Variants in KAZN observed in about 807,000 individuals in gnomAD.
The protein encoded by KAZN is kazrin, periplakin interacting protein.
Under a neutral mutation model 87.4 loss-of-function variants are expected in KAZN, and 40 were observed. The observed-to-expected ratio is 0.46, with a 90% confidence interval of 0.36 to 0.60. KAZN has a LOEUF of 0.60. KAZN is among the 20% of genes least tolerant of loss of function. KAZN has a pLI of 0.00. For synonymous variants in KAZN, 466 were observed against 458.3 expected (o/e 1.02, Z -0.22); for missense variants, 898 against 1,073.9 (o/e 0.84, Z 2.29).
At chr1:14,488,718 C>T (rs143349407) in intron 2 of KAZN, among the ~76,000 whole-genome samples, 303 of 152,294 alleles carry the variant, frequency 2.0e-3, no homozygotes, top group African/African-American at 6.8e-3. Context: ...AGAAAACTTC[C>T]TCCATGGCAT....
At chr1:14,614,787 A>T (rs1678094434) in intron 1 of KAZN, among the ~76,000 whole-genome samples, 1 of 152,260 alleles carries the variant, frequency 6.6e-6, no homozygotes, top group Admixed American at 6.5e-5. Flanking sequence ...GGGTTTTTGT[A>T]TGAAAGATTT....
intron 1 of KAZN, among the ~76,000 whole-genome samples, chr1:14,719,108 T>C (rs1347701883): frequency 6.6e-6 from 1 of 152,158 alleles, no homozygotes. Context: ...ACTTTGCACA[T>C]GTACTCTCTG....
intron 1 of KAZN, among the ~76,000 whole-genome samples, chr1:14,942,564 A>G (rs981930461): frequency 6.6e-6 from 1 of 152,236 alleles, no homozygotes; most frequent in Non-Finnish European, 1.5e-5. Flanking sequence ...TTCTCTAGTC[A>G]GTATCATTTT....
intron 1 of KAZN, among the ~76,000 whole-genome samples, chr1:14,034,282 TAGCTG>T (rs386628679): frequency 6.6e-6 from 1 of 152,258 alleles, no homozygotes; most frequent in African/African-American, 2.4e-5. Context: ...TGTTTCCTTT[TAGCTG>T]TTTTTTTTTT....
Position 14,031,280 on chromosome 1 carries a change from CA to C in KAZN, c.91+137530del, listed in dbSNP as rs577864383. Among the ~76,000 whole-genome samples, 13 of 152,256 alleles carry C rather than the reference CA, an allele frequency of 8.5e-5. No individual in the cohort carries two copies. The East Asian group carries it at 1.3e-3, about 16-fold the overall frequency. On this transcript the variant is annotated intron_variant, in intron 1 of 16. Transcript: ENST00000636203. ...GGACCCACATTAATATAATTATATA[CA>C]AAAAATGATTAGTAGTACAGGCAGG... is the stretch of plus-strand genomic sequence containing the variant.
intron 1 of KAZN, among the ~76,000 whole-genome samples, chr1:14,630,357 C>CAAATTAAGGAA (rs2148658003): frequency 1.3e-5 from 2 of 152,212 alleles, no homozygotes; most frequent in African/African-American, 4.8e-5. Flanking sequence ...AAGCTGGGGC[C>CAAATTAAGGAA]TTTCAGCAAA....
intron 1 of KAZN, among the ~76,000 whole-genome samples, chr1:14,628,899 T>A (rs1219134106): frequency 6.7e-6 from 1 of 148,386 alleles, no homozygotes; most frequent in African/African-American, 2.5e-5. Context: ...CAGGCTGGAG[T>A]GCAGTGGCAC....
At chr1:14,778,266 C>A (rs986395900) in intron 1 of KAZN, among the ~76,000 whole-genome samples, 1 of 152,136 alleles carries the variant, frequency 6.6e-6, no homozygotes, top group Non-Finnish European at 1.5e-5. Flanking sequence ...CATAAACCAG[C>A]CAGAAACATT....
chr1:14,410,972 A>C (rs1225747321), intron 2 of KAZN, among the ~76,000 whole-genome samples: 2 of 152,230 alleles, frequency 1.3e-5, no homozygotes, highest in Non-Finnish European at 2.9e-5. Context: ...TAAGCCGCCA[A>C]GTTTCTGGTG....
chr1:15,060,357 G>GGGCGGGGGT (rs1241628610), intron 6 of KAZN, 55 bp downstream of exon 6: 1 of 1,607,560 alleles, frequency 6.2e-7, no homozygotes, highest in African/African-American at 1.3e-5. Context: ...GAAACTGCAG[G>GGGCGGGGGT]GGCGGGGGTG....
intron 2 of KAZN, among the ~76,000 whole-genome samples, chr1:14,486,878 CTTGGTAGCTCCCTG>C (rs1179712691): frequency 6.6e-6 from 1 of 152,216 alleles, no homozygotes; most frequent in Non-Finnish European, 1.5e-5. Flanking sequence ...GCCTAAATTC[CTTGGTAGCTCCCTG>C]TAAATTACGG....
In KAZN at chr1:14,383,259, G is replaced by A. The variant is rs1324318166; in HGVS notation, c.249+202667G>A. Among the ~76,000 whole-genome samples, 4 of 149,334 alleles carry A rather than the reference G, an allele frequency of 2.7e-5. 1 individual carries two copies. In the East Asian group the frequency reaches 7.9e-4, roughly 29 times the overall value. Reference sequence around the variant, plus strand: ...GGTTGTGAAAATTTTCTCCCATTTTGTAGGTTGCCTGTTCACTCTGATGGT... The same window carrying A: ...GGTTGTGAAAATTTTCTCCCATTTTATAGGTTGCCTGTTCACTCTGATGGT... On this transcript the variant is annotated intron_variant, in intron 2 of 16. Coordinates refer to the KAZN transcript ENST00000636203.
At chr1:14,373,492 G>C (rs1055598445) in intron 2 of KAZN, among the ~76,000 whole-genome samples, 1 of 152,004 alleles carries the variant, frequency 6.6e-6, no homozygotes, top group Non-Finnish European at 1.5e-5. Context: ...CCTCACTTTG[G>C]GAAGGGCAAA....
intron 1 of KAZN, among the ~76,000 whole-genome samples, chr1:14,890,795 C>T (rs900463045): frequency 6.8e-6 from 1 of 147,516 alleles, no homozygotes; most frequent in African/African-American, 2.5e-5. Flanking sequence ...TCCCAAAGTG[C>T]TGGGATTACA....
chr1:15,060,283 G>A lies in KAZN; in HGVS notation c.1028G>A (p.Arg343Gln), dbSNP rs147538261. The change falls in exon 6 of 15, where the codon CGG becomes CAG. Residue 343 changes from arginine to glutamine, a missense_variant. Coordinates refer to ENST00000376030, the MANE Select transcript of KAZN (RefSeq NM_201628.3). ...TPSDINSPRH[R>Q]THSLCNGDSP... ...AGCGACATCAACTCCCCTCGACACCGGACACACTCCCTCTGCAACGTAAGG... is the reference window on the plus strand; with the variant it reads ...AGCGACATCAACTCCCCTCGACACCAGACACACTCCCTCTGCAACGTAAGG... 15 of 1,614,068 alleles carry A rather than the reference G, an allele frequency of 9.3e-6. No individual in the cohort carries two copies. The highest frequency in any genetic ancestry group is 2.7e-5 in the African/African-American group (2 of 74,952).
intron 2 of KAZN, among the ~76,000 whole-genome samples, chr1:14,209,166 C>G (rs1211631979): frequency 6.6e-6 from 1 of 152,208 alleles, no homozygotes; most frequent in Non-Finnish European, 1.5e-5. Context: ...CAGATCCCTC[C>G]TTCGTGCTGA....
At chr1:14,754,997 T>A (rs1243615959) in intron 1 of KAZN, among the ~76,000 whole-genome samples, 1 of 150,620 alleles carries the variant, frequency 6.6e-6, no homozygotes, top group Non-Finnish European at 1.5e-5. Flanking sequence ...ATCCCAGCAC[T>A]GTGAGCGGCC....
intron 4 of KAZN, among the ~76,000 whole-genome samples, chr1:15,046,120 T>A (rs1175323812): frequency 6.6e-6 from 1 of 151,992 alleles, no homozygotes; most frequent in Non-Finnish European, 1.5e-5. Flanking sequence ...TAACACGGTG[T>A]AACCTTGTCT....
chr1:14,387,046 G>A (rs959261398), intron 2 of KAZN, among the ~76,000 whole-genome samples: 4 of 151,788 alleles, frequency 2.6e-5, no homozygotes, highest in Admixed American at 6.6e-5. Context: ...TTCCCTTCTC[G>A]CTTCATTTCA....
Sources: allele counts gnomAD v4.1 joint callset (sites outside exome capture counted in the v4.1 genomes callset), GRCh38; gene constraint gnomAD v4.1.1; transcripts MANE v1.5; gene names NCBI Gene and HGNC (gene_info 2026-07-23, HGNC 2026-07-21).